The following BCR variants were observed in gnomAD, a reference collection of about 807,000 sequenced individuals.
BCR encodes the protein BCR activator of RhoGEF and GTPase.
Under a neutral mutation model 138.6 loss-of-function variants are expected in BCR, and 58 were observed. The observed-to-expected ratio is 0.42, with a 90% CI of 0.34 to 0.52. The LOEUF (loss-of-function observed/expected upper bound fraction) is 0.52, where lower values mean the gene tolerates loss of function less well. Among genes scored for constraint, BCR ranks in the 20% least tolerant of loss-of-function variants. The pLI, the probability that BCR is intolerant of heterozygous loss-of-function variation, is 0.06. For synonymous variants in BCR, 786 were observed against 730.1 expected (o/e 1.08, Z -1.23); for missense variants, 1,599 against 1,727.2 (o/e 0.93, Z 1.32).
chr22:23,211,697 A>T (rs781253158), intron 1 of BCR, among the ~76,000 whole-genome samples: 2 of 151,520 alleles, frequency 1.3e-5, no homozygotes. Flanking sequence ...TTTAATAGAG[A>T]CAGGGTTTCA....
intron 16 of BCR, 88 bp downstream of exon 16, chr22:23,295,243 T>G: frequency 1.1e-5 from 9 of 785,928 alleles, no homozygotes; most frequent in East Asian, 1.1e-4. Context: ...GTCATGGCCT[T>G]GCACCCAGGG....
intron 4 of BCR, 83 bp from the exon 5 acceptor site, chr22:23,268,325 G>GAA: frequency 8.7e-7 from 1 of 1,149,852 alleles, no homozygotes. Flanking sequence ...AGTTTCTGCA[G>GAA]AGCTGTGCAC....
intron 4 of BCR, chr22:23,262,706 AGGGCG>A (rs2073378127): frequency 6.7e-5 from 13 of 195,194 alleles, no homozygotes; most frequent in South Asian, 3.3e-4. Flanking sequence ...GGCCCGGGTG[AGGGCG>A]GGCCCGGGTG....
In BCR at chr22:23,249,979, G is replaced by T. The variant is rs118119551; in HGVS notation, c.1280-3820G>T. The stretch of plus-strand genomic sequence containing the variant: ...CCTAATTCCCCAGCAGAGTCTGGCC[G>T]TGAGACCTAGTCTCTCTGTCTCACC... On this transcript the variant is annotated intron_variant, in intron 1 of 22. Transcript: ENST00000305877. Among the ~76,000 whole-genome samples the T allele has an allele frequency of 5.7e-3, 864 of 152,336 alleles. 6 individuals carry two copies. The highest frequency in any genetic ancestry group is 0.01 in the Middle Eastern group (3 of 294).
chr22:23,299,669 A>G (rs1244445442), intron 16 of BCR, among the ~76,000 whole-genome samples: 22 of 150,478 alleles, frequency 1.5e-4, no homozygotes, highest in Non-Finnish European at 3.0e-4. Context: ...AAGTTATTTA[A>G]TACATTGTTT....
chr22:23,265,301 C>A (rs925372782), intron 4 of BCR, among the ~76,000 whole-genome samples: 1 of 152,242 alleles, frequency 6.6e-6, no homozygotes, highest in Non-Finnish European at 1.5e-5. Context: ...TGAGTACTCA[C>A]GTGTGTTCAA....
At chr22:23,267,940 C>T (rs892746297) in intron 4 of BCR, among the ~76,000 whole-genome samples, 3 of 152,330 alleles carry the variant, frequency 2.0e-5, no homozygotes, top group Non-Finnish European at 4.4e-5. Flanking sequence ...CAAAGACGGC[C>T]GGACTTGGCA....
chr22:23,285,093 G>A lies in BCR; in HGVS notation c.2298G>A (p.Met766Ile), dbSNP rs1793971999. ...CGCTCACGGATCTCAGCTTCCAGAT[G>A]GTGGATGAACTGGAGGCAGTGCCCA... Reference protein sequence around the residue: ...YIPLTDLSFQMVDELEAVPNI... With the variant: ...YIPLTDLSFQIVDELEAVPNI... The change falls in exon 10 of 23, where the codon ATG becomes ATA. Residue 766 changes from methionine (M) to isoleucine (I), a missense_variant. Met to Ile is a conservative substitution (Grantham distance 10). Coordinates refer to ENST00000305877, the MANE Select transcript of BCR (RefSeq NM_004327.4). 3 of 1,613,986 alleles carry A rather than the reference G, an allele frequency of 1.9e-6. No homozygotes were observed. The highest frequency in any genetic ancestry group is 2.5e-6 in the Non-Finnish European group (3 of 1,180,018).
rs376439063 is a variant in BCR, at chr22:23,225,669, G to A, written c.1280-28130G>A. ...GGTTTATTCGCAATGCACTTCAGCAGATAGGGTGATGGGGTAGAATCACAG... is the reference window on the plus strand; with the variant it reads ...GGTTTATTCGCAATGCACTTCAGCAAATAGGGTGATGGGGTAGAATCACAG... On this transcript the variant is annotated intron_variant, in intron 1 of 22. Coordinates refer to ENST00000305877, the MANE Select transcript of BCR (RefSeq NM_004327.4). Among the ~76,000 whole-genome samples the A allele has an allele frequency of 5.3e-5, 8 of 152,220 alleles. No homozygotes were observed. The East Asian group carries it at 1.3e-3, about 26-fold the overall frequency.
chr22:23,193,399 G>A (rs1305246761), intron 1 of BCR, among the ~76,000 whole-genome samples: 2 of 152,236 alleles, frequency 1.3e-5, no homozygotes, highest in African/African-American at 4.8e-5. Flanking sequence ...AGTAGCGGGT[G>A]CAGACCATCT....
At chr22:23,265,156 G>A (rs1349128509) in intron 4 of BCR, among the ~76,000 whole-genome samples, 3 of 152,182 alleles carry the variant, frequency 2.0e-5, no homozygotes, top group African/African-American at 7.2e-5. Flanking sequence ...GAGGAACACT[G>A]GAATTTAACT....
intron 1 of BCR, among the ~76,000 whole-genome samples, chr22:23,238,632 G>A (rs533892168): frequency 2.6e-5 from 4 of 152,178 alleles, no homozygotes; most frequent in Admixed American, 6.5e-5. Context: ...CTTCTGGCCC[G>A]TACCTGTTGC....
At chr22:23,238,817 G>A (rs898709901) in intron 1 of BCR, among the ~76,000 whole-genome samples, 4 of 151,990 alleles carry the variant, frequency 2.6e-5, no homozygotes, top group Non-Finnish European at 5.9e-5. Context: ...CCCCTCCAGG[G>A]CCGGTGGGAA....
intron 2 of BCR, among the ~76,000 whole-genome samples, chr22:23,258,905 C>T (rs568341463): frequency 2.6e-5 from 4 of 152,346 alleles, no homozygotes; most frequent in Admixed American, 6.5e-5. Context: ...GAGAAGTGGA[C>T]GGGGCTGTCA....
chr22:23,190,847 A>T (rs1216102985), intron 1 of BCR, among the ~76,000 whole-genome samples: 1 of 152,142 alleles, frequency 6.6e-6, no homozygotes, highest in Non-Finnish European at 1.5e-5. Context: ...ATCTCTCTCC[A>T]CATCCAAAAA....
intron 2 of BCR, among the ~76,000 whole-genome samples, chr22:23,257,078 T>G (rs987126121): frequency 2.6e-5 from 4 of 152,210 alleles, no homozygotes; most frequent in African/African-American, 7.2e-5. Flanking sequence ...AGCACAGCCC[T>G]GAGTTATAAA....
At chr22:23,245,061 G>A (rs2073141053) in intron 1 of BCR, among the ~76,000 whole-genome samples, 3 of 152,180 alleles carry the variant, frequency 2.0e-5, no homozygotes. Context: ...CGGCTGACTA[G>A]TGCCCCCAGA....
At chr22:23,205,144 G>A (rs2072596553) in intron 1 of BCR, among the ~76,000 whole-genome samples, 1 of 152,208 alleles carries the variant, frequency 6.6e-6, no homozygotes, top group African/African-American at 2.4e-5. Context: ...GGGAAAGCCT[G>A]TTAGTCTTTC....
Position 23,311,655 on chromosome 22 carries a change from G to A in BCR, c.3183-42G>A, listed in dbSNP as rs747639321. 22 of 1,516,102 alleles carry A rather than the reference G, an allele frequency of 1.5e-5. No individual in the cohort carries two copies. The Middle Eastern group carries it at 2.1e-3, about 145-fold the overall frequency. 93.9% of individuals were successfully genotyped at this position (1,516,102 alleles called of 1,614,324 possible). A position where few individuals can be genotyped will look rare whatever the true frequency, so the allele number is the denominator to read the frequency against. ...GCAGGTCTCCTGTGTTATGGCCCAA[G>A]CAGGGCTGTTAGGACACTGAGAACA... On this transcript the variant is annotated intron_variant, in intron 18 of 22. Coordinates refer to ENST00000305877, the MANE Select transcript of BCR (RefSeq NM_004327.4).
Sources: allele counts gnomAD v4.1 joint callset (sites outside exome capture counted in the v4.1 genomes callset), GRCh38; gene constraint gnomAD v4.1.1; transcripts MANE v1.5; gene names NCBI Gene and HGNC (gene_info 2026-07-23, HGNC 2026-07-21).